The following BMERB1 variants were observed in gnomAD, a reference collection of about 807,000 sequenced individuals.
BMERB1 encodes the protein bMERB domain-containing protein 1.
Under a neutral mutation model 23.6 loss-of-function variants are expected in BMERB1, and 12 were observed. That is an observed-to-expected ratio of 0.51 (90% confidence interval 0.33 to 0.82). The LOEUF (loss-of-function observed/expected upper bound fraction) is 0.82, where lower values mean the gene tolerates loss of function less well. BMERB1 is among the 40% of genes least tolerant of loss of function. The pLI, the probability that BMERB1 is intolerant of heterozygous loss-of-function variation, is 0.03. For missense variants in BMERB1, 247 were observed against 255.4 expected (o/e 0.97, Z 0.22); for synonymous variants, 122 against 96.6 (o/e 1.26, Z -1.54).
At chr16:15,507,989 T>C (rs1432380659) in intron 1 of BMERB1, among the ~76,000 whole-genome samples, 2 of 152,310 alleles carry the variant, frequency 1.3e-5, no homozygotes, top group South Asian at 4.2e-4. Flanking sequence ...AGTTTTGTTA[T>C]GATGATGATG....
chr16:15,450,558 C>T (rs1460020001), intron 1 of BMERB1, among the ~76,000 whole-genome samples: 1 of 152,162 alleles, frequency 6.6e-6, no homozygotes, highest in Admixed American at 6.5e-5. Context: ...GCAGCCTCCA[C>T]CTCCTGGGCT....
At chr16:15,558,158 G>C (rs563459770) in intron 2 of BMERB1, among the ~76,000 whole-genome samples, 1 of 152,198 alleles carries the variant, frequency 6.6e-6, no homozygotes, top group East Asian at 1.9e-4. Context: ...CCTCCCCTCT[G>C]CCCTAGATAG....
chr16:15,565,482 C>T (rs1256362610), intron 2 of BMERB1, among the ~76,000 whole-genome samples: 1 of 152,168 alleles, frequency 6.6e-6, no homozygotes, highest in Non-Finnish European at 1.5e-5. Flanking sequence ...ATGTCATCTT[C>T]CTGAGGGCTT....
chr16:15,520,542 G>A (rs963349287), intron 2 of BMERB1, among the ~76,000 whole-genome samples: 31 of 149,974 alleles, frequency 2.1e-4, no homozygotes, highest in Non-Finnish European at 4.0e-4. Flanking sequence ...AGTGCAGTGG[G>A]GCACGATCTG....
chr16:15,519,087 A>ACACACACACG (rs1555510665), intron 2 of BMERB1, among the ~76,000 whole-genome samples: 11,334 of 146,828 alleles, frequency 0.077, 1,381 homozygotes, highest in African/African-American at 0.28. Context: ...ACACACACAC[A>ACACACACACG]CACACACACA....
In BMERB1 at chr16:15,587,407, G is replaced by T. The variant is rs2031177283; in HGVS notation, c.*578G>T. ...GGGCCCATCTGTAAAGATCGAGCTT[G>T]TGTGTGGTGTCGTGGTCACATCTCC... On this transcript the variant is annotated 3_prime_UTR_variant, in exon 6 of 6. Coordinates refer to ENST00000300006, the MANE Select transcript of BMERB1 (RefSeq NM_033201.3). 6.8e-6 allele frequency: 2 copies of T among 292,668 alleles called. No homozygotes were observed. Among genetic ancestry groups the T allele is most frequent in the Admixed American group, 4.0e-5 (1 of 25,124 alleles). 18.1% of individuals were successfully genotyped at this position (292,668 alleles called of 1,614,324 possible).
chr16:15,463,118 G>A (rs530282213), intron 1 of BMERB1, among the ~76,000 whole-genome samples: 5 of 148,920 alleles, frequency 3.4e-5, no homozygotes, highest in African/African-American at 1.2e-4. Flanking sequence ...TCTTGCTGTT[G>A]CCCAGGCAGG....
At chr16:15,529,531 GGTGTGA>G (rs2051947136) in intron 2 of BMERB1, among the ~76,000 whole-genome samples, 1 of 152,090 alleles carries the variant, frequency 6.6e-6, no homozygotes, top group African/African-American at 2.4e-5. Context: ...TGTGTTCATT[GGTGTGA>G]GTGTATGTTC....
chr16:15,552,659 G>A (rs979484440), intron 2 of BMERB1, among the ~76,000 whole-genome samples: 1 of 152,208 alleles, frequency 6.6e-6, no homozygotes, highest in Admixed American at 6.5e-5. Context: ...GGTCTCAGTC[G>A]AAGCAGTGGG....
chr16:15,586,900 C>T lies in BMERB1; in HGVS notation c.*71C>T, dbSNP rs1127294. 97 of 1,041,516 alleles carry T rather than the reference C, an allele frequency of 9.3e-5. No individual in the cohort carries two copies. The highest frequency in any genetic ancestry group is 8.7e-4 in the South Asian group (55 of 63,214). 64.5% of individuals were successfully genotyped at this position (1,041,516 alleles called of 1,614,324 possible). On this transcript the variant is annotated 3_prime_UTR_variant, in exon 6 of 6. Coordinates refer to ENST00000300006, the MANE Select transcript of BMERB1 (RefSeq NM_033201.3). Reference sequence around the variant, plus strand: ...CTTGTCTTTATAGCCCCCATTTCACCGGGGCCCAAGAGCTCTCCAAGGCAG... The same window carrying T: ...CTTGTCTTTATAGCCCCCATTTCACTGGGGCCCAAGAGCTCTCCAAGGCAG...
intron 1 of BMERB1, chr16:15,502,485 A>G: frequency 2.1e-6 from 2 of 934,078 alleles, no homozygotes; most frequent in Non-Finnish European, 3.4e-6. Context: ...TCTCTTTGGG[A>G]AACGGTGACT....
intron 1 of BMERB1, among the ~76,000 whole-genome samples, chr16:15,482,238 C>G (rs1017649839): frequency 6.6e-6 from 1 of 152,052 alleles, no homozygotes; most frequent in Non-Finnish European, 1.5e-5. Context: ...CATAGGGATC[C>G]CCAGGGGTGT....
chr16:15,438,479 T>G (rs199987816), intron 1 of BMERB1, among the ~76,000 whole-genome samples: 1 of 140,476 alleles, frequency 7.1e-6, no homozygotes, highest in Non-Finnish European at 1.6e-5. Context: ...TTTTTTTTTT[T>G]GAGACAGGGT....
intron 1 of BMERB1, among the ~76,000 whole-genome samples, chr16:15,493,560 C>T (rs968473576): frequency 5.9e-5 from 9 of 151,926 alleles, no homozygotes; most frequent in South Asian, 4.1e-4. Flanking sequence ...ATTTTCAGTC[C>T]GACATGAATG....
rs2051701966 is a variant in BMERB1, at chr16:15,513,566, A to T, written c.107-1739A>T. On this transcript the variant is annotated intron_variant, in intron 1 of 5. Transcript: ENST00000300006. ...TCACACGCATATATATTAACATTTT[A>T]ACTGCTAACATTTTAGTGGACTTTT... Among the ~76,000 whole-genome samples the T allele has an allele frequency of 2.6e-5, 4 of 152,318 alleles. No homozygotes were observed. In the South Asian group the frequency reaches 8.3e-4, roughly 32 times the overall value.
chr16:15,455,060 G>A (rs867440987), intron 1 of BMERB1, among the ~76,000 whole-genome samples: 1 of 151,824 alleles, frequency 6.6e-6, no homozygotes, highest in Non-Finnish European at 1.5e-5. Flanking sequence ...CTGAGGGCGC[G>A]CGTGGTGGCT....
intron 3 of BMERB1, among the ~76,000 whole-genome samples, chr16:15,576,674 C>T (rs1024192044): frequency 2.6e-5 from 4 of 152,000 alleles, no homozygotes; most frequent in African/African-American, 7.2e-5. Flanking sequence ...CATCCAAAAT[C>T]GAGGTGTCAA....
intron 1 of BMERB1, among the ~76,000 whole-genome samples, chr16:15,450,181 C>G (rs2150923811): frequency 6.6e-6 from 1 of 152,210 alleles, no homozygotes; most frequent in South Asian, 2.1e-4. Flanking sequence ...AGACAGGCAC[C>G]TAAGTGAATG....
intron 1 of BMERB1, among the ~76,000 whole-genome samples, chr16:15,473,521 G>A (rs987179788): frequency 1.3e-5 from 2 of 151,584 alleles, no homozygotes; most frequent in African/African-American, 4.8e-5. Context: ...TCGAATGCCC[G>A]ACCTCAGGTG....
Sources: gnomAD v4.1 joint callset for allele counts (sites outside exome capture counted in the v4.1 genomes callset) on GRCh38, gnomAD v4.1.1 for gene constraint, MANE v1.5 for transcripts, NCBI Gene and HGNC (gene_info 2026-07-23, HGNC 2026-07-21) for gene names.